The following PLPP3 variants were observed in gnomAD, a reference collection of about 807,000 sequenced individuals.
The protein encoded by PLPP3 is phospholipid phosphatase 3, also known as PAP2 beta.
Under a neutral mutation model 29.6 loss-of-function variants are expected in PLPP3, and 6 were observed. The ratio of observed to expected loss-of-function variants is 0.20; its 90% CI spans 0.11 to 0.40. PLPP3 has a LOEUF of 0.40. Ranked by LOEUF, PLPP3 falls within the 10% of genes least tolerant of loss-of-function variation. The pLI is 1.00. For missense variants in PLPP3, 308 were observed against 407.7 expected, an observed-to-expected ratio of 0.76 and a Z score of 2.11; for synonymous variants, 152 against 159.7, an observed-to-expected ratio of 0.95 and a Z score of 0.36.
In PLPP3 at chr1:56,524,261, G is replaced by A. The variant is rs957943032; in HGVS notation, c.575+16C>T. On this transcript the variant is annotated intron_variant, in intron 3 of 5. Transcript: ENST00000371250. The surrounding 1 kb of genome is among the most constrained non-coding windows in gnomAD (Gnocchi z 4.3). ...AAAGGGGTCCAGGCTCTGGCCATGC[G>A]GAGGTGGTGTCTCACCTGGCTTCCT... is the stretch of plus-strand genomic sequence containing the variant. 25 of 1,612,228 alleles carry A rather than the reference G, an allele frequency of 1.6e-5. No homozygotes were observed. Among genetic ancestry groups the A allele is most frequent in the Middle Eastern group, 1.9e-4 (1 of 5,160 alleles).
chr1:56,550,318 T>G (rs908685785), intron 1 of PLPP3, among the ~76,000 whole-genome samples: 1 of 152,156 alleles, frequency 6.6e-6, no homozygotes, highest in Non-Finnish European at 1.5e-5. Flanking sequence ...ATAGGAACCC[T>G]ATTGTTCCAG....
intron 4 of PLPP3, among the ~76,000 whole-genome samples, chr1:56,518,671 C>CA (rs1183591382): frequency 6.7e-6 from 1 of 148,262 alleles, no homozygotes; most frequent in Non-Finnish European, 1.5e-5. Context: ...ATGAAGAGAC[C>CA]AAAAAATCTC....
Position 56,569,635 on chromosome 1 carries a change from A to C in PLPP3, c.139+9243T>G, listed in dbSNP as rs180766603. ...TAAAAATAAAAAGAAAAACAAAAAG[A>C]AAACTTCATTTGCTCTCCTCGTTCA... On this transcript the variant is annotated intron_variant, in intron 1 of 5. Transcript: ENST00000371250. Among the ~76,000 whole-genome samples, 3 of 152,332 alleles carry C rather than the reference A, an allele frequency of 2.0e-5. No individual in the cohort carries two copies. In the East Asian group the frequency reaches 5.8e-4, roughly 29 times the overall value.
chr1:56,578,969 G>C lies in PLPP3; in HGVS notation c.48C>G (p.Asn16Lys). 6.2e-7 allele frequency: 1 copy of C among 1,602,268 alleles called. No homozygotes were observed. Residue 16 changes from asparagine (N) to lysine (K), a missense_variant, in exon 1 of 6, where the codon AAC (asparagine) becomes AAG (lysine). Asn to Lys is a moderately conservative substitution (Grantham distance 94). Coordinates refer to ENST00000371250, the MANE Select transcript of PLPP3 (RefSeq NM_003713.5). ...YDKAIVPESK[N>K]GGSPALNNNP... ...TGTTGTTGAGCGCCGGGCTGCCGCC[G>C]TTCTTGCTCTCCGGGACGATCGCTT...
At chr1:56,567,163 C>T (rs770675766) in intron 1 of PLPP3, among the ~76,000 whole-genome samples, 11 of 152,086 alleles carry the variant, frequency 7.2e-5, no homozygotes, top group Non-Finnish European at 1.3e-4. Context: ...AGTGGGTGAG[C>T]GGGTCTAGCT....
At chr1:56,555,443 A>AAC (rs1646069089) in intron 1 of PLPP3, among the ~76,000 whole-genome samples, 1 of 147,586 alleles carries the variant, frequency 6.8e-6, no homozygotes, top group East Asian at 1.9e-4. Context: ...TAAAAAAAAA[A>AAC]AAAAAAAAAA....
chr1:56,522,919 A>G (rs1645829143), intron 4 of PLPP3, among the ~76,000 whole-genome samples: 1 of 152,182 alleles, frequency 6.6e-6, no homozygotes, highest in South Asian at 2.1e-4. Flanking sequence ...TGTAACTGAC[A>G]AAGAAAAACA....
rs545507815 is a variant in PLPP3 at position 56,579,269 on chromosome 1, G to A, written c.-253C>T. The A allele has an allele frequency of 3.2e-5, 15 of 462,440 alleles. No individual in the cohort carries two copies. The highest frequency in any genetic ancestry group is 4.9e-5 in the Non-Finnish European group (13 of 264,808). 28.6% of individuals were successfully genotyped at this position (462,440 alleles called of 1,614,324 possible). On this transcript the variant is annotated 5_prime_UTR_variant, in exon 1 of 6. Transcript: ENST00000371250. The stretch of plus-strand genomic sequence containing the variant: ...AAATCGTTCTAAAGTCCAAGGGGAA[G>A]AGAGCCAGATCCCGAGCAGAAACTT...
intron 1 of PLPP3, among the ~76,000 whole-genome samples, chr1:56,543,061 A>G (rs527705891): frequency 6.6e-6 from 1 of 151,978 alleles, no homozygotes; most frequent in South Asian, 2.1e-4. Flanking sequence ...TATACATCTT[A>G]CCTACAGTAC....
intron 1 of PLPP3, among the ~76,000 whole-genome samples, chr1:56,574,813 T>C (rs903980698): frequency 5.3e-5 from 8 of 152,194 alleles, no homozygotes; most frequent in Admixed American, 5.2e-4. Flanking sequence ...TAATGACAAA[T>C]GGTCTAAGAG....
intron 1 of PLPP3, among the ~76,000 whole-genome samples, chr1:56,566,860 CAT>C (rs1400026038): frequency 1.3e-5 from 2 of 152,088 alleles, no homozygotes. Context: ...GCATCCAGCA[CAT>C]GAGTCTAAAA....
At chr1:56,557,492 G>A (rs1031677525) in intron 1 of PLPP3, among the ~76,000 whole-genome samples, 1 of 152,262 alleles carries the variant, frequency 6.6e-6, no homozygotes, top group Admixed American at 6.5e-5. Context: ...TGATAGAATC[G>A]TATCTTTTAA....
chr1:56,555,241 A>G (rs981188732), intron 1 of PLPP3, among the ~76,000 whole-genome samples: 1 of 148,788 alleles, frequency 6.7e-6, no homozygotes, highest in Non-Finnish European at 1.5e-5. Context: ...GGCCCCATCC[A>G]ATCCCTCCTG....
intron 4 of PLPP3, among the ~76,000 whole-genome samples, chr1:56,522,879 A>C (rs56348932): frequency 0.08 from 12,149 of 152,230 alleles, 483 homozygotes; most frequent in Middle Eastern, 0.11. Context: ...GACCTCATTC[A>C]AGGGGAAAGG....
rs66593221 is a variant in PLPP3 at position 56,555,433 on chromosome 1, T to TAAA, written c.140-18324_140-18322dup. Among the ~76,000 whole-genome samples, 224 of 33,164 alleles carry TAAA rather than the reference T, an allele frequency of 6.8e-3. 21 individuals are homozygous for TAAA. The highest frequency in any genetic ancestry group is 0.018 in the South Asian group (26 of 1,408). 21.8% of individuals were successfully genotyped at this position (33,164 alleles called of 152,430 possible). A position where few individuals can be genotyped will look rare whatever the true frequency, so the allele number is the denominator to read the frequency against. Reference sequence around the variant, plus strand: ...ATGCAGGAGAAGGAAGGCCAAACACTAAAAAAAAAAAAAAAAAAAAAAAAA... The same window carrying TAAA: ...ATGCAGGAGAAGGAAGGCCAAACACTAAAAAAAAAAAAAAAAAAAAAAAAAAAA... On this transcript the variant is annotated intron_variant, in intron 1 of 5. Coordinates refer to ENST00000371250, the MANE Select transcript of PLPP3 (RefSeq NM_003713.5).
chr1:56,574,135 G>A (rs1003190122), intron 1 of PLPP3, among the ~76,000 whole-genome samples: 5 of 151,876 alleles, frequency 3.3e-5, no homozygotes, highest in Non-Finnish European at 5.9e-5. Context: ...GGGAGGCAGA[G>A]GTTGCAGCGA....
chr1:56,517,350 T>A (rs1413016761), intron 4 of PLPP3, among the ~76,000 whole-genome samples: 1 of 152,272 alleles, frequency 6.6e-6, no homozygotes, highest in Non-Finnish European at 1.5e-5. Flanking sequence ...CTTTAACTAC[T>A]TTCAGGACAA....
intron 1 of PLPP3, among the ~76,000 whole-genome samples, chr1:56,537,380 A>G (rs1015521350): frequency 6.6e-6 from 1 of 152,126 alleles, no homozygotes; most frequent in Non-Finnish European, 1.5e-5. Context: ...AAAGAGCCAG[A>G]GCAGGGGTTT....
intron 5 of PLPP3, 77 bp downstream of exon 5, chr1:56,511,899 T>C: frequency 6.4e-7 from 1 of 1,564,202 alleles, no homozygotes; most frequent in Non-Finnish European, 8.8e-7. Flanking sequence ...TCTCTAGCTT[T>C]AGTCACTGAG....
Sources: allele counts gnomAD v4.1 joint callset (sites outside exome capture counted in the v4.1 genomes callset), GRCh38; gene constraint gnomAD v4.1.1; non-coding constraint Gnocchi (gnomAD v3.1); transcripts MANE v1.5; gene names NCBI Gene and HGNC (gene_info 2026-07-23, HGNC 2026-07-21).